ABLIM1: variants seen among roughly 807,000 people sequenced by gnomAD.
ABLIM1 encodes the protein actin binding LIM protein 1.
A neutral mutation model predicts 107.0 loss-of-function variants in ABLIM1; 40 were observed. The observed-to-expected ratio is 0.37, with a 90% CI of 0.29 to 0.49. ABLIM1 has a LOEUF of 0.49. Ranked by LOEUF, ABLIM1 falls within the 20% of genes least tolerant of loss-of-function variation. ABLIM1 has a pLI of 0.97. For missense variants in ABLIM1, 857 were observed against 1,008.5 expected (o/e 0.85, Z 2.04); for synonymous variants, 357 against 357.3 (o/e 1.00, Z 0.01).
chr10:114,745,435 C>T (rs1006220698), intron 1 of ABLIM1, among the ~76,000 whole-genome samples: 16 of 151,714 alleles, frequency 1.1e-4, no homozygotes, highest in African/African-American at 3.6e-4. Context: ...GTGGCATGTG[C>T]CTGTAATCCC....
intron 6 of ABLIM1, among the ~76,000 whole-genome samples, chr10:114,496,740 A>AT (rs1440647755): frequency 6.6e-6 from 1 of 152,244 alleles, no homozygotes; most frequent in African/African-American, 2.4e-5. Context: ...GTCTTGACCT[A>AT]TGTATTTCCT....
chr10:114,787,691 G>A, the ABLIM1 span, among the ~76,000 whole-genome samples: 7 of 117,976 alleles, frequency 5.9e-5, no homozygotes, highest in Admixed American at 8.2e-5. Context: ...CAGCCACCCC[G>A]TCCGGGAGGG....
intron 1 of ABLIM1, among the ~76,000 whole-genome samples, chr10:114,736,447 A>T (rs145024469): frequency 2.0e-5 from 3 of 152,346 alleles, no homozygotes; most frequent in African/African-American, 7.2e-5. Context: ...CTACCATTTC[A>T]GTCCCTACTT....
the ABLIM1 span, among the ~76,000 whole-genome samples, chr10:114,798,423 TA>T: frequency 1.5e-4 from 20 of 135,956 alleles, no homozygotes; most frequent in East Asian, 6.6e-4. Context: ...GACTCTGTTT[TA>T]AAAAAAAAAA....
At chr10:114,704,637 G>A (rs187550140) in intron 1 of ABLIM1, among the ~76,000 whole-genome samples, 1 of 150,580 alleles carries the variant, frequency 6.6e-6, no homozygotes, top group Admixed American at 6.6e-5. Flanking sequence ...TCTAAGGGGG[G>A]TGGGGGTGGG....
intron 1 of ABLIM1, among the ~76,000 whole-genome samples, chr10:114,728,331 G>A (rs981993767): frequency 6.6e-6 from 1 of 151,966 alleles, no homozygotes; most frequent in African/African-American, 2.4e-5. Context: ...TAAAGCAAAG[G>A]TGCACAAATC....
chr10:114,435,633 G>A lies in ABLIM1; in HGVS notation c.*627C>T, dbSNP rs1156240386. 6.6e-5 allele frequency: 10 copies of A among 152,174 alleles called. No homozygotes were observed. Among genetic ancestry groups the A allele is most frequent in the Admixed American group, 4.6e-4 (7 of 15,270 alleles). 9.4% of individuals were successfully genotyped at this position (152,174 alleles called of 1,614,324 possible). A position where few individuals can be genotyped will look rare whatever the true frequency, so the allele number is the denominator to read the frequency against. On this transcript the variant is annotated 3_prime_UTR_variant, in exon 23 of 23. Transcript: ENST00000533213. The stretch of plus-strand genomic sequence containing the variant: ...CTAAGTCATTTGCCAGCCAGGTCCC[G>A]GTGAACAGTAGAGAACAAGGAGCTT...
At chr10:114,590,666 C>T (rs2074762232) in intron 2 of ABLIM1, among the ~76,000 whole-genome samples, 1 of 152,028 alleles carries the variant, frequency 6.6e-6, no homozygotes, top group South Asian at 2.1e-4. Flanking sequence ...GTTGTAAATA[C>T]TCTCTCCTGG....
intron 1 of ABLIM1, among the ~76,000 whole-genome samples, chr10:114,618,909 T>C (rs1319436054): frequency 6.6e-6 from 1 of 152,172 alleles, no homozygotes; most frequent in African/African-American, 2.4e-5. Context: ...GGCCTTTCCC[T>C]GGGGGTGTCT....
intron 6 of ABLIM1, among the ~76,000 whole-genome samples, chr10:114,532,097 G>A (rs2065510866): frequency 6.6e-6 from 1 of 152,164 alleles, no homozygotes; most frequent in African/African-American, 2.4e-5. Context: ...TCACAAGCAT[G>A]AGCCACGGCA....
chr10:114,504,401 T>C (rs78940379), intron 6 of ABLIM1, among the ~76,000 whole-genome samples: 18,124 of 152,044 alleles, frequency 0.12, 1,222 homozygotes, highest in African/African-American at 0.19. Flanking sequence ...TCCTGCTACA[T>C]GTTAAGGCTC....
At chr10:114,606,513 C>T (rs1192630204) in intron 1 of ABLIM1, among the ~76,000 whole-genome samples, 1 of 152,120 alleles carries the variant, frequency 6.6e-6, no homozygotes, top group African/African-American at 2.4e-5. Flanking sequence ...AGATTACAGG[C>T]GTAAGGCACC....
rs34043960 is a variant in ABLIM1, at chr10:114,588,487, C to CTTTTTTTTTTTTTTT, written c.380-12903_380-12889dup. Among the ~76,000 whole-genome samples, 37 of 76,562 alleles carry CTTTTTTTTTTTTTTT rather than the reference C, an allele frequency of 4.8e-4. 1 individual carries two copies. The highest frequency in any genetic ancestry group is 1.3e-3 in the African/African-American group (23 of 18,354). 50.2% of individuals were successfully genotyped at this position (76,562 alleles called of 152,430 possible). ...CTCCTTTTTTTCTTTTTCTTTCTTT[C>CTTTTTTTTTTTTTTT]TTTTTTTTTTTTTTTTTTTTTTTTT... On this transcript the variant is annotated intron_variant, in intron 2 of 22. Coordinates refer to ENST00000533213, the MANE Select transcript of ABLIM1 (RefSeq NM_002313.7).
At chr10:114,628,490 C>T (rs2077962028) in intron 1 of ABLIM1, among the ~76,000 whole-genome samples, 1 of 152,198 alleles carries the variant, frequency 6.6e-6, no homozygotes, top group African/African-American at 2.4e-5. Context: ...ATGTGTGCGT[C>T]CCTACACACA....
intron 2 of ABLIM1, among the ~76,000 whole-genome samples, chr10:114,578,347 C>T (rs528990561): frequency 1.3e-5 from 2 of 152,250 alleles, no homozygotes; most frequent in South Asian, 4.1e-4. Context: ...TATTCCCTTT[C>T]TCATCAAAAT....
At chr10:114,701,926 T>C (rs1209405189) in intron 1 of ABLIM1, among the ~76,000 whole-genome samples, 2 of 152,164 alleles carry the variant, frequency 1.3e-5, no homozygotes, top group Non-Finnish European at 2.9e-5. Flanking sequence ...TAAGAGAGGA[T>C]GTAGAAATTT....
chr10:114,538,469 C>T (rs1236103397), intron 6 of ABLIM1, among the ~76,000 whole-genome samples: 3 of 152,194 alleles, frequency 2.0e-5, no homozygotes, highest in Admixed American at 6.5e-5. Flanking sequence ...CCATCTGAGG[C>T]TCTTTCTTAT....
chr10:114,748,910 C>T (rs1185313598), intron 1 of ABLIM1, among the ~76,000 whole-genome samples: 8 of 152,046 alleles, frequency 5.3e-5, no homozygotes, highest in Non-Finnish European at 1.2e-4. Context: ...TGGCTTCAAG[C>T]GATCCTTCTG....
the ABLIM1 span, among the ~76,000 whole-genome samples, chr10:114,794,733 GATCA>G: frequency 6.6e-6 from 1 of 152,140 alleles, no homozygotes; most frequent in Non-Finnish European, 1.5e-5. Flanking sequence ...TAATTAGCTG[GATCA>G]TAGCCAGGAA....
Sources: gnomAD v4.1 joint callset for allele counts (sites outside exome capture counted in the v4.1 genomes callset) on GRCh38, gnomAD v4.1.1 for gene constraint, MANE v1.5 for transcripts, NCBI Gene and HGNC (gene_info 2026-07-23, HGNC 2026-07-21) for gene names.